The following HFM1 variants were observed in gnomAD, a reference collection of about 807,000 sequenced individuals.
The protein encoded by HFM1 is helicase for meiosis 1.
HFM1 carries 169 observed loss-of-function variants against 192.1 expected under a neutral mutation model. That is an observed-to-expected ratio of 0.88 (90% CI 0.78 to 1.00). HFM1 has a LOEUF of 1.00. Among genes scored for constraint, HFM1 ranks in the 50% least tolerant of loss-of-function variants. The pLI is 0.00. For missense variants in HFM1, 1,661 were observed against 1,668.0 expected, an observed-to-expected ratio of 1.00 and a Z score of 0.07; for synonymous variants, 525 against 537.8, an observed-to-expected ratio of 0.98 and a Z score of 0.33.
At chr1:91,291,955 T>G (rs997150047) in intron 30 of HFM1, among the ~76,000 whole-genome samples, 10 of 152,132 alleles carry the variant, frequency 6.6e-5, no homozygotes, top group African/African-American at 2.4e-4. Context: ...AAAAACCACA[T>G]GATTATCTCA....
chr1:91,397,034 C>T (rs1571239944), intron 2 of HFM1, among the ~76,000 whole-genome samples: 1 of 152,312 alleles, frequency 6.6e-6, no homozygotes. Flanking sequence ...TTATGAGAAT[C>T]TAACTAATGT....
intron 2 of HFM1, among the ~76,000 whole-genome samples, chr1:91,397,752 C>T (rs554352450): frequency 3.3e-5 from 5 of 152,280 alleles, no homozygotes; most frequent in Admixed American, 2.0e-4. Context: ...GTCCTACTCA[C>T]GGCTACCAGG....
At chr1:91,292,988 C>T (rs1668957827) in intron 30 of HFM1, among the ~76,000 whole-genome samples, 1 of 152,104 alleles carries the variant, frequency 6.6e-6, no homozygotes, top group African/African-American at 2.4e-5. Flanking sequence ...GCTGGGAAAA[C>T]TGGCTAGCCA....
chr1:91,334,243 C>A (rs1654247881), intron 20 of HFM1, among the ~76,000 whole-genome samples: 1 of 152,094 alleles, frequency 6.6e-6, no homozygotes, highest in Non-Finnish European at 1.5e-5. Context: ...AGTGATCATG[C>A]ACAAGTTACG....
chr1:91,378,517 G>T, intron 9 of HFM1, 37 bp from the exon 10 acceptor site: 1 of 1,191,622 alleles, frequency 8.4e-7, no homozygotes, highest in South Asian at 1.3e-5. Context: ...AGTTTAATGT[G>T]ATAAGGAATT....
At chr1:91,395,261 G>C (rs1161158842) in intron 3 of HFM1, among the ~76,000 whole-genome samples, 1 of 151,766 alleles carries the variant, frequency 6.6e-6, no homozygotes, top group African/African-American at 2.4e-5. Context: ...TTACCTTTAG[G>C]AAATGGCAAG....
intron 6 of HFM1, among the ~76,000 whole-genome samples, chr1:91,381,621 T>C (rs1476671023): frequency 1.3e-5 from 2 of 152,220 alleles, no homozygotes; most frequent in Non-Finnish European, 1.5e-5. Context: ...TATTGACAGA[T>C]TGGGAGATAT....
At chr1:91,278,935 C>A (rs1382879606) in intron 30 of HFM1, among the ~76,000 whole-genome samples, 1 of 151,932 alleles carries the variant, frequency 6.6e-6, no homozygotes, top group Non-Finnish European at 1.5e-5. Flanking sequence ...AAAGAACTCT[C>A]AAGAAACATA....
chr1:91,291,046 A>G (rs1570808358), intron 30 of HFM1, among the ~76,000 whole-genome samples: 1 of 152,292 alleles, frequency 6.6e-6, no homozygotes, highest in East Asian at 1.9e-4. Context: ...GGACACATTC[A>G]AAGCAGTGTG....
At chr1:91,389,307 G>A (rs12568445) in intron 4 of HFM1, among the ~76,000 whole-genome samples, 14,609 of 151,718 alleles carry the variant, frequency 0.096, 745 homozygotes, top group East Asian at 0.16. Context: ...GATTACAGGC[G>A]CATGCCACCA....
intron 13 of HFM1, among the ~76,000 whole-genome samples, chr1:91,364,693 C>T (rs1179828331): frequency 1.5e-5 from 2 of 133,338 alleles, no homozygotes; most frequent in African/African-American, 5.7e-5. Context: ...TGTGCAGTGG[C>T]ACGATCTCAG....
intron 20 of HFM1, among the ~76,000 whole-genome samples, chr1:91,327,605 T>A (rs904672317): frequency 2.0e-5 from 3 of 152,150 alleles, no homozygotes; most frequent in Non-Finnish European, 2.9e-5. Flanking sequence ...AACATCAAAC[T>A]TAATCTGCAC....
At chr1:91,323,059 T>C in intron 22 of HFM1, 34 bp downstream of exon 22, 1 of 1,376,062 alleles carries the variant, frequency 7.3e-7, no homozygotes, top group African/African-American at 1.5e-5. Flanking sequence ...ATAAAACCTC[T>C]TAAAATTATT....
chr1:91,351,770 CT>C, intron 16 of HFM1, 127 bp from the exon 17 acceptor site: 1 of 424,252 alleles, frequency 2.4e-6, no homozygotes, highest in East Asian at 3.6e-5. Flanking sequence ...TCAAAAAGGC[CT>C]TAAAAATGCT....
intron 30 of HFM1, among the ~76,000 whole-genome samples, chr1:91,310,705 T>C (rs931734890): frequency 1.3e-5 from 2 of 152,202 alleles, no homozygotes; most frequent in African/African-American, 4.8e-5. Flanking sequence ...TCTCAAGAGA[T>C]CTGATGGGTT....
At chr1:91,273,666 A>G in intron 34 of HFM1, 46 bp downstream of exon 34, 1 of 958,990 alleles carries the variant, frequency 1.0e-6, no homozygotes, top group South Asian at 1.4e-5. Context: ...ATTCAAAGTA[A>G]TAATAAGCCA....
At position 91,367,891 on chromosome 1, in the gene HFM1, G is replaced by A. The variant is rs1440300751; in HGVS notation, c.1685+7467C>T. 3.9e-5 allele frequency among the ~76,000 whole-genome samples: 6 copies of A among 152,122 alleles called. No homozygotes were observed. In the East Asian group the frequency reaches 5.8e-4, roughly 15 times the overall value. On this transcript the variant is annotated intron_variant, in intron 13 of 38. Transcript: ENST00000370425. Reference sequence around the variant, plus strand: ...CGAATGGCTAACTAGAATAACCAACGCAGAGAAGTCCTTAAAGGACCTGAT... The same window carrying A: ...CGAATGGCTAACTAGAATAACCAACACAGAGAAGTCCTTAAAGGACCTGAT...
chr1:91,400,968 C>A, intron 2 of HFM1, 44 bp downstream of exon 2: 1 of 929,604 alleles, frequency 1.1e-6, no homozygotes, highest in Non-Finnish European at 1.6e-6. Context: ...TTCAAAAAAC[C>A]CTAAAGTAAT....
intron 20 of HFM1, among the ~76,000 whole-genome samples, chr1:91,325,115 C>A (rs1270694495): frequency 1.3e-5 from 2 of 152,180 alleles, no homozygotes; most frequent in East Asian, 3.8e-4. Context: ...GGGGAGCCTA[C>A]TGCCCTGAAG....
Sources: gnomAD v4.1 joint callset for allele counts (sites outside exome capture counted in the v4.1 genomes callset) on GRCh38, gnomAD v4.1.1 for gene constraint, MANE v1.5 for transcripts, NCBI Gene and HGNC (gene_info 2026-07-23, HGNC 2026-07-21) for gene names.